The following RBFOX1 variants were observed in gnomAD, a reference collection of about 807,000 sequenced individuals.
RBFOX1 encodes the protein RNA binding fox-1 homolog 1, also known as RNA binding protein fox-1 homolog 1.
A neutral mutation model predicts 57.7 loss-of-function variants in RBFOX1; 8 were observed. The observed-to-expected ratio is 0.14, with a 90% confidence interval of 0.08 to 0.25. RBFOX1 has a LOEUF of 0.25. RBFOX1 is among the 10% of genes least tolerant of loss of function. RBFOX1 has a pLI of 1.00. For synonymous variants in RBFOX1, 326 were observed against 222.4 expected, an observed-to-expected ratio of 1.47 and a Z score of -4.15; for missense variants, 611 against 548.5, an observed-to-expected ratio of 1.11 and a Z score of -1.14.
chr16:7,568,882 C>CA (rs34858992), intron 5 of RBFOX1, among the ~76,000 whole-genome samples: 3,472 of 77,216 alleles, frequency 0.045, 382 homozygotes, highest in African/African-American at 0.12. Flanking sequence ...GACTCTGTCT[C>CA]AAAAAAAAAA....
chr16:6,401,352 A>ATGAAAAAT (rs2093060333), intron 2 of RBFOX1, among the ~76,000 whole-genome samples: 1 of 152,224 alleles, frequency 6.6e-6, no homozygotes, highest in South Asian at 2.1e-4. Context: ...AAATTAGAAA[A>ATGAAAAAT]TGAAAAATTC....
At chr16:6,823,415 C>G (rs560976520) in intron 3 of RBFOX1, among the ~76,000 whole-genome samples, 2 of 152,122 alleles carry the variant, frequency 1.3e-5, no homozygotes, top group African/African-American at 4.8e-5. Context: ...CGCCACCACA[C>G]CTGGCTAATT....
At chr16:7,207,614 G>C (rs1284915032) in intron 4 of RBFOX1, among the ~76,000 whole-genome samples, 1 of 152,188 alleles carries the variant, frequency 6.6e-6, no homozygotes, top group Non-Finnish European at 1.5e-5. Context: ...GCAAAACAGT[G>C]CTCCTTGCTG....
intron 1 of RBFOX1, among the ~76,000 whole-genome samples, chr16:5,296,185 C>T (rs2063663461): frequency 6.6e-6 from 1 of 152,192 alleles, no homozygotes; most frequent in Admixed American, 6.5e-5. Context: ...TTGTCTGAAG[C>T]ATGCACTAAG....
chr16:6,558,716 C>T (rs1180995492), intron 2 of RBFOX1, among the ~76,000 whole-genome samples: 1 of 152,082 alleles, frequency 6.6e-6, no homozygotes, highest in African/African-American at 2.4e-5. Flanking sequence ...TCCGTCCGTC[C>T]CACTCTCACA....
chr16:7,284,571 TCCTCCCACCTTAG>T, intron 4 of RBFOX1, among the ~76,000 whole-genome samples: 1 of 152,160 alleles, frequency 6.6e-6, no homozygotes, highest in East Asian at 1.9e-4. Context: ...CCTCAAGCAG[TCCTCCCACCTTAG>T]CCTCCCACAG....
At chr16:7,371,741 ACT>A (rs1030986516) in intron 4 of RBFOX1, among the ~76,000 whole-genome samples, 1 of 151,974 alleles carries the variant, frequency 6.6e-6, no homozygotes, top group African/African-American at 2.4e-5. Context: ...CAAGAGCAAA[ACT>A]CTATCTGCAA....
chr16:5,440,510 A>G (rs1390603291), intron 1 of RBFOX1, among the ~76,000 whole-genome samples: 1 of 152,296 alleles, frequency 6.6e-6, no homozygotes, highest in African/African-American at 2.4e-5. Flanking sequence ...TGGAGTTTGG[A>G]GAATGTATGG....
intron 2 of RBFOX1, among the ~76,000 whole-genome samples, chr16:6,404,573 T>C (rs2093205234): frequency 6.6e-6 from 1 of 152,238 alleles, no homozygotes; most frequent in South Asian, 2.1e-4. Flanking sequence ...TATTAGTTTT[T>C]GATCCTTTTT....
rs371515752 is a variant in RBFOX1 at position 6,888,870 on chromosome 16, C to G, written c.-15-163187C>G. Among the ~76,000 whole-genome samples, 256 of 152,216 alleles carry G rather than the reference C, an allele frequency of 1.7e-3. 1 individual carries two copies. The highest frequency in any genetic ancestry group is 5.6e-3 in the African/African-American group (234 of 41,518). ...TCCTTTATTCATCCCTCTTTATCCC[C>G]TCCTCCCCAAAAAAGAATTATTTTA... is the stretch of plus-strand genomic sequence containing the variant. On this transcript the variant is annotated intron_variant, in intron 3 of 15. Coordinates refer to ENST00000550418, the MANE Select transcript of RBFOX1 (RefSeq NM_018723.4).
At chr16:6,976,383 A>G (rs762071733) in intron 3 of RBFOX1, among the ~76,000 whole-genome samples, 53 of 152,248 alleles carry the variant, frequency 3.5e-4, no homozygotes, top group Non-Finnish European at 6.0e-4. Context: ...CATGAAGCAA[A>G]TATCATTTTC....
At chr16:5,527,390 C>G in intron 2 of RBFOX1, among the ~76,000 whole-genome samples, 1 of 152,120 alleles carries the variant, frequency 6.6e-6, no homozygotes, top group East Asian at 1.9e-4. Context: ...TCTCTTCCAC[C>G]GGCTTAATGC....
chr16:7,197,396 G>C (rs887976671), intron 4 of RBFOX1, among the ~76,000 whole-genome samples: 1 of 135,010 alleles, frequency 7.4e-6, no homozygotes, highest in Non-Finnish European at 1.5e-5. Flanking sequence ...TTGAAGCTAA[G>C]TTAAAAGGTA....
At chr16:5,278,985 C>G (rs2063207168) in intron 1 of RBFOX1, among the ~76,000 whole-genome samples, 1 of 152,162 alleles carries the variant, frequency 6.6e-6, no homozygotes, top group Non-Finnish European at 1.5e-5. Flanking sequence ...GTTTTGGTTA[C>G]TATAGCTTTG....
chr16:6,818,306 A>G (rs1340041534), intron 3 of RBFOX1, among the ~76,000 whole-genome samples: 4 of 152,076 alleles, frequency 2.6e-5, no homozygotes, highest in South Asian at 2.1e-4. Flanking sequence ...TTTCATTACT[A>G]TGAGAATCAT....
At chr16:5,410,055 A>AT (rs1453160930) in intron 1 of RBFOX1, among the ~76,000 whole-genome samples, 16 of 144,710 alleles carry the variant, frequency 1.1e-4, no homozygotes, top group South Asian at 2.3e-4. Flanking sequence ...CTCAAAAAAA[A>AT]AAAAAAAAAA....
chr16:5,790,394 G>A (rs752057350), intron 3 of RBFOX1, among the ~76,000 whole-genome samples: 8 of 152,056 alleles, frequency 5.3e-5, no homozygotes, highest in East Asian at 1.9e-4. Flanking sequence ...GGATGGGGCC[G>A]TAGGAATGGC....
intron 1 of RBFOX1, among the ~76,000 whole-genome samples, chr16:5,367,566 C>T (rs371901443): frequency 6.6e-6 from 1 of 152,262 alleles, no homozygotes; most frequent in African/African-American, 2.4e-5. Flanking sequence ...ACAAACCTTC[C>T]CCAGTGGATA....
At chr16:6,727,788 G>A (rs976964959) in intron 3 of RBFOX1, among the ~76,000 whole-genome samples, 4 of 152,086 alleles carry the variant, frequency 2.6e-5, no homozygotes, top group African/African-American at 7.2e-5. Context: ...GTTTTGTCAG[G>A]CATTTGAGGT....
Sources: allele counts gnomAD v4.1 joint callset (sites outside exome capture counted in the v4.1 genomes callset), GRCh38; gene constraint gnomAD v4.1.1; transcripts MANE v1.5; gene names NCBI Gene and HGNC (gene_info 2026-07-23, HGNC 2026-07-21).